The following ANKRD30BL variants were observed in gnomAD, a reference collection of about 807,000 sequenced individuals.
ANKRD30BL encodes ankyrin repeat domain 30B like.
In ANKRD30BL, 20 loss-of-function variants were observed where a neutral mutation model predicts 18.4. That is an observed-to-expected ratio of 1.09 (90% CI 0.77 to 1.58). The LOEUF is 1.58. Among genes scored for constraint, ANKRD30BL ranks in the 40% most tolerant of loss-of-function variants. The pLI is 0.00. For synonymous variants in ANKRD30BL, 72 were observed against 100.9 expected (o/e 0.71, Z 1.72); for missense variants, 224 against 268.6 (o/e 0.83, Z 1.16).
chr2:132,238,156 T>C (rs1680212639), intron 1 of ANKRD30BL, among the ~76,000 whole-genome samples: 1 of 152,086 alleles, frequency 6.6e-6, no homozygotes, highest in Non-Finnish European at 1.5e-5. Flanking sequence ...GACAGAAGAA[T>C]TCTCAGAAAC....
At chr2:132,165,163 G>A (rs1214229213), upstream of ANKRD30BL, among the ~76,000 whole-genome samples, 1 of 151,754 alleles carries the variant, frequency 6.6e-6, no homozygotes, top group Admixed American at 6.6e-5. Context: ...TCCAAATAAT[G>A]CCCACGTGCT....
At chr2:132,158,255 AT>A (rs1687964866) in intron 1 of ANKRD30BL, among the ~76,000 whole-genome samples, 3 of 152,266 alleles carry the variant, frequency 2.0e-5, no homozygotes, top group South Asian at 2.1e-4. Flanking sequence ...CTTCTTTAAT[AT>A]TTTTAAAACT....
At chr2:132,230,636 G>A (rs376866356) in intron 1 of ANKRD30BL, among the ~76,000 whole-genome samples, 2 of 152,080 alleles carry the variant, frequency 1.3e-5, no homozygotes, top group Non-Finnish European at 2.9e-5. Flanking sequence ...CATTGGAAAC[G>A]GGAATAACTT....
In ANKRD30BL at chr2:132,202,148, G is replaced by C. The variant is rs9677166; in HGVS notation, n.442-45002C>G. Among the ~76,000 whole-genome samples the C allele has an allele frequency of 8.7e-3, 1,297 of 148,360 alleles. 17 individuals carry two copies. The highest frequency in any genetic ancestry group is 0.032 in the African/African-American group (1,219 of 37,962). On this transcript the variant is annotated intron_variant and non_coding_transcript_variant, in intron 1 of 4. Transcript: ENST00000470729. ...CACACACTGGGGCCTGTTGTGGGGT[G>C]GAGGCAGGGGGGAGGGATAGCATTG...
At chr2:132,196,168 G>GA (rs1177610056) in intron 1 of ANKRD30BL, among the ~76,000 whole-genome samples, 4 of 150,968 alleles carry the variant, frequency 2.6e-5, no homozygotes, top group African/African-American at 9.7e-5. Context: ...AAAAGAAAAA[G>GA]AAAAAAATAT....
At chr2:132,190,042 A>G (rs1184852451) in intron 1 of ANKRD30BL, among the ~76,000 whole-genome samples, 1 of 151,982 alleles carries the variant, frequency 6.6e-6, no homozygotes, top group Non-Finnish European at 1.5e-5. Flanking sequence ...CTGCTTGCTC[A>G]GTTGTAAAAT....
At chr2:132,205,755 A>C (rs1198784934) in intron 1 of ANKRD30BL, among the ~76,000 whole-genome samples, 1 of 152,070 alleles carries the variant, frequency 6.6e-6, no homozygotes, top group Non-Finnish European at 1.5e-5. Flanking sequence ...AATGTTTAGA[A>C]AGGTCAATTA....
chr2:132,228,787 T>C (rs199942616), intron 1 of ANKRD30BL, among the ~76,000 whole-genome samples: 1 of 146,030 alleles, frequency 6.8e-6, no homozygotes, highest in Non-Finnish European at 1.5e-5. Context: ...AAAATCTAGA[T>C]AAAAGCAATC....
At chr2:132,229,084 C>T (rs1010893839) in intron 1 of ANKRD30BL, among the ~76,000 whole-genome samples, 7 of 151,852 alleles carry the variant, frequency 4.6e-5, no homozygotes, top group African/African-American at 1.7e-4. Context: ...GAAGGGCGTT[C>T]AGGCCTATGG....
chr2:132,156,816 A>G (rs1687917365), intron 3 of ANKRD30BL, 157 bp downstream of exon 3: 1 of 388,040 alleles, frequency 2.6e-6, no homozygotes, highest in East Asian at 3.9e-5. Flanking sequence ...AAAAATATTA[A>G]TATTTAAAGC....
intron 1 of ANKRD30BL, among the ~76,000 whole-genome samples, chr2:132,177,819 A>T (rs1275193954): frequency 6.6e-6 from 1 of 152,172 alleles, no homozygotes; most frequent in Non-Finnish European, 1.5e-5. Flanking sequence ...CCTAGGAAAA[A>T]ATGACAATAT....
At chr2:132,216,485 A>G (rs2104764154) in intron 1 of ANKRD30BL, among the ~76,000 whole-genome samples, 1 of 152,050 alleles carries the variant, frequency 6.6e-6, no homozygotes, top group African/African-American at 2.4e-5. Flanking sequence ...GCAAGTGGAC[A>G]TTTTGTTCGC....
chr2:132,162,247 C>T (rs1188255236), upstream of ANKRD30BL, among the ~76,000 whole-genome samples: 1 of 152,184 alleles, frequency 6.6e-6, no homozygotes, highest in Non-Finnish European at 1.5e-5. Context: ...AGCCAGGGAC[C>T]CATCCCTGAC....
chr2:132,221,505 G>T (rs1317394703), intron 1 of ANKRD30BL, among the ~76,000 whole-genome samples: 9 of 108,698 alleles, frequency 8.3e-5, no homozygotes, highest in African/African-American at 3.8e-4. Flanking sequence ...GAAGTGAGGA[G>T]CCCCTCTGCC....
intron 1 of ANKRD30BL, among the ~76,000 whole-genome samples, chr2:132,176,164 C>A (rs182079745): frequency 0.025 from 3,798 of 152,092 alleles, 83 homozygotes; most frequent in Non-Finnish European, 0.043. Flanking sequence ...CAGGTGGAGG[C>A]GGGCAGATCA....
At chr2:132,248,827 C>T (rs567146600) in intron 1 of ANKRD30BL, among the ~76,000 whole-genome samples, 8 of 152,048 alleles carry the variant, frequency 5.3e-5, no homozygotes, top group African/African-American at 1.4e-4. Flanking sequence ...GACAAATATA[C>T]CTTTGCCAAT....
intron 1 of ANKRD30BL, among the ~76,000 whole-genome samples, chr2:132,187,185 TTTG>T: frequency 2.3e-5 from 3 of 133,084 alleles, no homozygotes; most frequent in South Asian, 2.3e-4. Flanking sequence ...TTTTTTTTTG[TTTG>T]TTTTTTTTTT....
intron 1 of ANKRD30BL, among the ~76,000 whole-genome samples, chr2:132,205,898 T>C (rs200017795): frequency 1.3e-5 from 2 of 152,128 alleles, no homozygotes; most frequent in Non-Finnish European, 2.9e-5. Flanking sequence ...CAGTGGCTCA[T>C]GCCTGTAATC....
chr2:132,157,891 A>G (rs1687953942), intron 1 of ANKRD30BL, among the ~76,000 whole-genome samples: 1 of 152,220 alleles, frequency 6.6e-6, no homozygotes, highest in Non-Finnish European at 1.5e-5. Context: ...CATTTTAAGT[A>G]AAATGGTACA....
Sources: allele counts gnomAD v4.1 joint callset (sites outside exome capture counted in the v4.1 genomes callset), GRCh38; gene constraint gnomAD v4.1.1; transcripts MANE v1.5; gene names NCBI Gene and HGNC (gene_info 2026-07-23, HGNC 2026-07-21).